NOTCH1: variants seen among roughly 807,000 people sequenced by gnomAD.
NOTCH1 encodes the protein neurogenic locus notch homolog protein 1.
A neutral mutation model predicts 254.8 loss-of-function variants in NOTCH1; 37 were observed. The ratio of observed to expected loss-of-function variants is 0.15; its 90% CI spans 0.11 to 0.19. NOTCH1 has a LOEUF of 0.19. NOTCH1 is among the 10% of genes least tolerant of loss of function. The pLI is 1.00. For missense variants in NOTCH1, 2,972 were observed against 3,708.6 expected, an observed-to-expected ratio of 0.80 and a Z score of 5.16; for synonymous variants, 1,731 against 1,618.1, an observed-to-expected ratio of 1.07 and a Z score of -1.68.
At chr9:136,515,209 C>T (rs1453265140) in intron 12 of NOTCH1, 81 bp downstream of exon 12, 1 of 1,356,916 alleles carries the variant, frequency 7.4e-7, no homozygotes, top group Non-Finnish European at 1.0e-6. Context: ...CTCACCCAAC[C>T]CCTCAGCAGC....
In NOTCH1 at chr9:136,514,511, C is replaced by G. The variant is rs201662530; in HGVS notation, c.2206G>C (p.Gly736Arg). The part of the protein sequence containing the change: ...VHGACRDSLN[G>R]YKCDCDPGWS... ...CCCATGATCGGCCCCGCCGCATACC[C>G]GTTGAGGCTGTCCCGGCAGGCCCCG... The change falls in exon 13 of 34, where the codon GGG becomes CGG. Residue 736 changes from glycine (G) to arginine (R), a missense_variant and splice_region_variant. Gly to Arg is a moderately radical substitution (Grantham distance 125). Transcript: ENST00000651671. The G allele has an allele frequency of 6.3e-7, 1 of 1,576,476 alleles. No individual in the cohort carries two copies. Among genetic ancestry groups the G allele is most frequent in the Non-Finnish European group, 8.6e-7 (1 of 1,162,026 alleles).
In NOTCH1 at chr9:136,500,761, C is replaced by T. The variant is rs751228412; in HGVS notation, c.5725G>A (p.Val1909Ile). The change falls in exon 31 of 34, where the codon GTC becomes ATC. Residue 1909 changes from valine (V) to isoleucine (I), a missense_variant. By Grantham distance (29) the Val-to-Ile change is conservative. Around this residue, in one of 8 missense-constraint regions of NOTCH1, gnomAD observed 421 missense variants for 604.4 expected, o/e 0.70. Coordinates refer to ENST00000651671, the MANE Select transcript of NOTCH1 (RefSeq NM_017617.5). ...NSEEEEDAPAVISDFIYQGAS... is the reference protein window; with the variant it reads ...NSEEEEDAPAIISDFIYQGAS... ...CCCTGGTAGATGAAGTCGGAGATGA[C>T]GGCCGGCGCGTCCTCCTCTTCCTCG... is the stretch of plus-strand genomic sequence containing the variant. The T allele has an allele frequency of 3.1e-6, 5 of 1,604,288 alleles. No homozygotes were observed. Among genetic ancestry groups the T allele is most frequent in the East Asian group, 2.2e-5 (1 of 44,886 alleles).
At chr9:136,532,487 C>T (rs1255954530) in intron 2 of NOTCH1, among the ~76,000 whole-genome samples, 2 of 151,940 alleles carry the variant, frequency 1.3e-5, no homozygotes, top group Non-Finnish European at 2.9e-5. Flanking sequence ...CTGGGAGAGA[C>T]CTTCCTGGAG....
intron 2 of NOTCH1, among the ~76,000 whole-genome samples, chr9:136,527,610 C>T (rs931607052): frequency 5.9e-5 from 9 of 152,196 alleles, no homozygotes; most frequent in Non-Finnish European, 4.4e-5. Context: ...CCCGACTGGA[C>T]GAGAGAGCTG....
rs369842609 is a variant in NOTCH1 at position 136,496,652 on chromosome 9, T to C, written c.7087A>G (p.Met2363Val). Reference sequence around the variant, plus strand: ...GTGCTGGGCAGGCCCTGGTAGCTCATCATCTGGGACAGGGCGCTGGCAGCA... The same window carrying C: ...GTGCTGGGCAGGCCCTGGTAGCTCACCATCTGGGACAGGGCGCTGGCAGCA... ...SLAASALSQM[M>V]SYQGLPSTRL... Residue 2363 changes from methionine to valine, a missense_variant, in exon 34 of 34, where the codon ATG (methionine) becomes GTG (valine). Around this residue, in one of 8 missense-constraint regions of NOTCH1, gnomAD observed 529 missense variants for 529.2 expected, o/e 1.00. Transcript: ENST00000651671. The C allele has an allele frequency of 6.2e-7, 1 of 1,613,088 alleles. No homozygotes were observed. The highest frequency in any genetic ancestry group is 1.7e-5 in the Admixed American group (1 of 60,020).
At chr9:136,507,144 G>T (rs1843101645) in intron 22 of NOTCH1, among the ~76,000 whole-genome samples, 161 bp downstream of exon 22, 1 of 152,242 alleles carries the variant, frequency 6.6e-6, no homozygotes, top group Admixed American at 6.5e-5. Context: ...CCCCGCTCTG[G>T]GCCCTTTCCC....
At chr9:136,530,089 A>AGCC (rs1177220201) in intron 2 of NOTCH1, among the ~76,000 whole-genome samples, 1 of 152,140 alleles carries the variant, frequency 6.6e-6, no homozygotes, top group Non-Finnish European at 1.5e-5. Context: ...AGCCCCAAAC[A>AGCC]GCCGCCGCTC....
At position 136,518,653 on chromosome 9, in the gene NOTCH1, T is replaced by C; in HGVS notation, c.1037A>G (p.His346Arg). 6.2e-7 allele frequency: 1 copy of C among 1,611,898 alleles called. No individual in the cohort carries two copies. The highest frequency in any genetic ancestry group is 2.2e-5 in the East Asian group (1 of 44,836). ...IDDCASAACF[H>R]GATCHDRVAS... is the part of the protein sequence containing the mutation. Reference sequence around the variant, plus strand: ...CACACGGTCATGGCAGGTGGCGCCGTGGAAGCAGGCGGCGCTGGCACAGTC... The same window carrying C: ...CACACGGTCATGGCAGGTGGCGCCGCGGAAGCAGGCGGCGCTGGCACAGTC... The change falls in exon 6 of 34, where the codon CAC (histidine) becomes CGC (arginine). Residue 346 changes from histidine (H) to arginine (R), a missense_variant. This residue lies in a region of NOTCH1 where 90 missense variants were observed against 183.6 expected (regional missense o/e 0.49). Coordinates refer to ENST00000651671, the MANE Select transcript of NOTCH1 (RefSeq NM_017617.5).
intron 18 of NOTCH1, 41 bp from the exon 19 acceptor site, chr9:136,509,112 T>C (rs759809769): frequency 6.6e-7 from 1 of 1,515,490 alleles, no homozygotes; most frequent in South Asian, 1.2e-5. Flanking sequence ...TGGAGGGCAT[T>C]GGTGGGTCCC....
chr9:136,526,131 G>T (rs554948736), intron 2 of NOTCH1, among the ~76,000 whole-genome samples: 3 of 152,366 alleles, frequency 2.0e-5, no homozygotes, highest in Admixed American at 6.5e-5. Flanking sequence ...GCCTCTGCGG[G>T]CACCTGTTGG....
intron 2 of NOTCH1, among the ~76,000 whole-genome samples, chr9:136,527,280 G>A (rs181523439): frequency 1.0e-3 from 158 of 152,354 alleles, no homozygotes; most frequent in African/African-American, 3.0e-3. Flanking sequence ...CCTCAGGCCT[G>A]CAGCATGGCC....
chr9:136,497,870 C>T (rs543901493), intron 33 of NOTCH1, among the ~76,000 whole-genome samples: 1 of 152,348 alleles, frequency 6.6e-6, no homozygotes, highest in East Asian at 1.9e-4. Context: ...ACTGCAGGCC[C>T]TCTTCCCTGC....
rs769050541 is a variant in NOTCH1 at position 136,504,704 on chromosome 9, G to A, written c.4987C>T (p.Arg1663Trp). ...LPGGSEGGRR[R>W]RELDPMDVRG... is the part of the protein sequence containing the mutation. ...ACGTCCATGGGGTCCAGCTCCCTCC[G>A]CCGCCGCCCACCCTCGCTGCCACCA... The change falls in exon 26 of 34, where the codon CGG becomes TGG. Residue 1663 changes from arginine (R) to tryptophan (W), a missense_variant. Transcript: ENST00000651671. The A allele has an allele frequency of 1.5e-5, 23 of 1,535,020 alleles. No homozygotes were observed. Among genetic ancestry groups the A allele is most frequent in the East Asian group, 2.5e-5 (1 of 40,718 alleles).
At chr9:136,515,109 G>A (rs2133361932) in intron 12 of NOTCH1, among the ~76,000 whole-genome samples, 181 bp downstream of exon 12, 1 of 152,352 alleles carries the variant, frequency 6.6e-6, no homozygotes, top group South Asian at 2.1e-4. Flanking sequence ...GAGGGGTCGG[G>A]GGGACCCATC....
Position 136,506,654 on chromosome 9 carries a change from A to T in NOTCH1, c.3902-15T>A. On this transcript the variant is annotated splice_polypyrimidine_tract_variant and intron_variant, in intron 23 of 33. Coordinates refer to ENST00000651671, the MANE Select transcript of NOTCH1 (RefSeq NM_017617.5). This position sits in a 1 kb window ranked among gnomAD's most constrained non-coding sequence, Gnocchi z 4.5. Reference sequence around the variant, plus strand: ...GCAGCGGCGCCCTAGGGGTAAGAGCAGGGCAGTGAGAGGCTCACCCTGCTG... The same window carrying T: ...GCAGCGGCGCCCTAGGGGTAAGAGCTGGGCAGTGAGAGGCTCACCCTGCTG... 1 of 1,601,320 alleles carries T rather than the reference A, an allele frequency of 6.2e-7. No homozygotes were observed. The highest frequency in any genetic ancestry group is 1.1e-5 in the South Asian group (1 of 89,256).
intron 10 of NOTCH1, 66 bp from the exon 11 acceptor site, chr9:136,515,782 A>T: frequency 7.0e-7 from 1 of 1,433,382 alleles, no homozygotes; most frequent in Non-Finnish European, 9.4e-7. Context: ...ACCCATGACC[A>T]GACCTGGGGT....
Position 136,509,742 on chromosome 9 carries a change from C to T in NOTCH1, c.2960G>A (p.Cys987Tyr), listed in dbSNP as rs2133350290. Residue 987 changes from cysteine (C) to tyrosine (Y), a missense_variant, in exon 18 of 34, where the codon TGC (cysteine) becomes TAC (tyrosine). Coordinates refer to ENST00000651671, the MANE Select transcript of NOTCH1 (RefSeq NM_017617.5). Reference protein sequence around the residue: ...GIHCENNTPDCTESSCFNGGT... With the variant: ...GIHCENNTPDYTESSCFNGGT... The stretch of plus-strand genomic sequence containing the variant: ...CTCGAGCCCCGCACACCTCTCTGTG[C>T]AGTCAGGCGTGTTGTTCTCACAGTG... The T allele has an allele frequency of 1.2e-6, 2 of 1,612,792 alleles. No homozygotes were observed. Among genetic ancestry groups the T allele is most frequent in the Non-Finnish European group, 1.7e-6 (2 of 1,179,872 alleles).
chr9:136,524,181 T>C (rs554130740), intron 2 of NOTCH1, among the ~76,000 whole-genome samples: 1 of 152,164 alleles, frequency 6.6e-6, no homozygotes, highest in Admixed American at 6.5e-5. Context: ...ACTTTGGGAA[T>C]GTACTGAATG....
chr9:136,529,306 G>A (rs939142471), intron 2 of NOTCH1, among the ~76,000 whole-genome samples: 35 of 152,248 alleles, frequency 2.3e-4, no homozygotes, highest in African/African-American at 8.2e-4. Context: ...GCTTCCATGA[G>A]GCCAACGAGC....
Sources: allele counts gnomAD v4.1 joint callset (sites outside exome capture counted in the v4.1 genomes callset), GRCh38; gene constraint gnomAD v4.1.1; regional missense constraint gnomAD v4.1.1; non-coding constraint Gnocchi (gnomAD v3.1); transcripts MANE v1.5; gene names NCBI Gene and HGNC (gene_info 2026-07-23, HGNC 2026-07-21).